Variants in PCDHA6 observed in about 807,000 individuals in gnomAD.
PCDHA6 encodes the protein protocadherin alpha 6, also known as protocadherin alpha-6.
A neutral mutation model predicts 60.3 loss-of-function variants in PCDHA6; 55 were observed. That is an observed-to-expected ratio of 0.91 (90% CI 0.73 to 1.14). The LOEUF (loss-of-function observed/expected upper bound fraction) is 1.14, where lower values mean the gene tolerates loss of function less well. Among genes scored for constraint, PCDHA6 ranks in the 50% most tolerant of loss-of-function variants. The pLI, the probability that PCDHA6 is intolerant of heterozygous loss-of-function variation, is 0.00. For missense variants in PCDHA6, 1,327 were observed against 1,256.5 expected (o/e 1.06, Z -0.85); for synonymous variants, 652 against 557.9 (o/e 1.17, Z -2.38).
chr5:140,926,209 T>A (rs553307318), intron 1 of PCDHA6, among the ~76,000 whole-genome samples: 1 of 152,028 alleles, frequency 6.6e-6, no homozygotes, highest in African/African-American at 2.4e-5. Context: ...GGGGGGCTCC[T>A]GTTTCCTTAA....
At chr5:140,910,028 T>C (rs1402911275) in intron 1 of PCDHA6, among the ~76,000 whole-genome samples, 4 of 152,222 alleles carry the variant, frequency 2.6e-5, no homozygotes, top group African/African-American at 9.6e-5. Flanking sequence ...ATCCCTGGGA[T>C]AAATCCCACT....
At chr5:140,948,098 AT>A (rs1400798416) in intron 1 of PCDHA6, among the ~76,000 whole-genome samples, 2 of 151,502 alleles carry the variant, frequency 1.3e-5, no homozygotes, top group African/African-American at 4.8e-5. Flanking sequence ...TGAGCATATG[AT>A]TTTTCTTCGT....
At chr5:140,853,708 A>G (rs535294888) in intron 1 of PCDHA6, 3 of 986,248 alleles carry the variant, frequency 3.0e-6, no homozygotes, top group South Asian at 9.5e-5. Flanking sequence ...ACGCATTAGC[A>G]TTAGCAGCAC....
chr5:140,887,537 C>T (rs530539711), intron 1 of PCDHA6, among the ~76,000 whole-genome samples: 5 of 152,250 alleles, frequency 3.3e-5, no homozygotes, highest in Admixed American at 1.3e-4. Context: ...TTCCTCTCCC[C>T]ACCCCTCATG....
At chr5:140,895,103 T>C (rs1459301220) in intron 1 of PCDHA6, among the ~76,000 whole-genome samples, 3 of 152,204 alleles carry the variant, frequency 2.0e-5, no homozygotes, top group Non-Finnish European at 4.4e-5. Flanking sequence ...GGGTTTTTGC[T>C]ACAAGAAGAC....
intron 1 of PCDHA6, chr5:140,884,580 C>G: frequency 6.2e-7 from 1 of 1,614,150 alleles, no homozygotes; most frequent in Non-Finnish European, 8.5e-7. Context: ...GACCTCATGG[C>G]CTTCAGTCCC....
Position 140,921,480 on chromosome 5 carries a change from A to G in PCDHA6, c.2395-57469A>G, listed in dbSNP as rs201609452. On this transcript the variant is annotated intron_variant, in intron 1 of 3. Coordinates refer to ENST00000529310, the MANE Select transcript of PCDHA6 (RefSeq NM_018909.4). ...CCTGCAACCACTACCAAACCACTCT[A>G]CCTGAGATTAGTTTATTAGATAGTG... 4.8e-4 allele frequency among the ~76,000 whole-genome samples: 73 copies of G among 152,306 alleles called. No homozygotes were observed. In the East Asian group the frequency reaches 0.011, roughly 22 times the overall value.
At chr5:140,969,037 C>A (rs1554231375) in intron 1 of PCDHA6, 6 of 1,614,158 alleles carry the variant, frequency 3.7e-6, no homozygotes, top group Non-Finnish European at 5.1e-6. Flanking sequence ...CAGAACTGTA[C>A]AAACAAGCCA....
At chr5:140,925,108 G>GAAGGAA (rs2082318586) in intron 1 of PCDHA6, among the ~76,000 whole-genome samples, 1 of 124,702 alleles carries the variant, frequency 8.0e-6, no homozygotes, top group African/African-American at 3.3e-5. Context: ...GAAGGAAGGA[G>GAAGGAA]GGAAGGAAGG....
At chr5:140,969,388 A>C in intron 1 of PCDHA6, 2 of 1,595,066 alleles carry the variant, frequency 1.3e-6, no homozygotes, top group Non-Finnish European at 1.7e-6. Context: ...CACATCCCCC[A>C]ATATCCTGTG....
rs782769711 is a variant in PCDHA6, at chr5:140,857,323, C to T, written c.2394+26838C>T. ...TGTCGGCCTATGAGCTGGTGGTGAC[C>T]GCGCGGGACGGGGGCTCGCCTCCGC... On this transcript the variant is annotated intron_variant, in intron 1 of 3. Coordinates refer to ENST00000529310, the MANE Select transcript of PCDHA6 (RefSeq NM_018909.4). The T allele has an allele frequency of 2.5e-6, 4 of 1,598,498 alleles. 1 individual carries two copies. Among genetic ancestry groups the T allele is most frequent in the Admixed American group, 1.7e-5 (1 of 59,312 alleles).
intron 1 of PCDHA6, among the ~76,000 whole-genome samples, chr5:140,948,862 C>T (rs1419321480): frequency 6.6e-6 from 1 of 151,398 alleles, no homozygotes; most frequent in Admixed American, 6.6e-5. Context: ...TCTTATATTA[C>T]TTCGGGTTTA....
intron 1 of PCDHA6, among the ~76,000 whole-genome samples, chr5:140,944,325 T>C (rs1179163685): frequency 1.3e-5 from 2 of 152,196 alleles, no homozygotes; most frequent in East Asian, 3.9e-4. Context: ...GTAGCTGGGA[T>C]TACAAGCACG....
At chr5:140,990,736 C>G (rs181451094) in intron 3 of PCDHA6, among the ~76,000 whole-genome samples, 22 of 152,218 alleles carry the variant, frequency 1.4e-4, no homozygotes, top group African/African-American at 5.3e-4. Flanking sequence ...TATCAACAGC[C>G]CTAGGGTGGA....
At chr5:140,984,371 C>T (rs2097099528) in intron 3 of PCDHA6, among the ~76,000 whole-genome samples, 1 of 152,150 alleles carries the variant, frequency 6.6e-6, no homozygotes, top group African/African-American at 2.4e-5. Flanking sequence ...TGGCCAAGTC[C>T]CTCTTTCAGA....
At chr5:140,835,585 T>G in intron 1 of PCDHA6, 1 of 1,613,922 alleles carries the variant, frequency 6.2e-7, no homozygotes, top group South Asian at 1.1e-5. Context: ...GTGTCCACCT[T>G]CAAGAATTAC....
At chr5:141,009,529 T>G in intron 3 of PCDHA6, 98 bp from the exon 4 acceptor site, 1 of 1,505,630 alleles carries the variant, frequency 6.6e-7, no homozygotes, top group Non-Finnish European at 8.9e-7. Context: ...TCTGGGGAGG[T>G]TCAGCCTGCC....
In PCDHA6 at chr5:140,842,738, C is replaced by T. The variant is rs1470514973; in HGVS notation, c.2394+12253C>T. The T allele has an allele frequency of 6.3e-7, 1 of 1,594,924 alleles. No homozygotes were observed. The highest frequency in any genetic ancestry group is 8.6e-7 in the Non-Finnish European group (1 of 1,165,426). ...GAAGGAGAACAACCCGCCGGGCTGCCACATCTTCACGGTGTCTGCGCGAGA... is the reference window on the plus strand; with the variant it reads ...GAAGGAGAACAACCCGCCGGGCTGCTACATCTTCACGGTGTCTGCGCGAGA... On this transcript the variant is annotated intron_variant, in intron 1 of 3. Coordinates refer to ENST00000529310, the MANE Select transcript of PCDHA6 (RefSeq NM_018909.4).
At chr5:141,004,142 G>C (rs1323224367) in intron 3 of PCDHA6, among the ~76,000 whole-genome samples, 1 of 152,214 alleles carries the variant, frequency 6.6e-6, no homozygotes, top group African/African-American at 2.4e-5. Flanking sequence ...TGCCCCAAAG[G>C]CATGACATTT....
Sources: allele counts gnomAD v4.1 joint callset (sites outside exome capture counted in the v4.1 genomes callset), GRCh38; gene constraint gnomAD v4.1.1; transcripts MANE v1.5; gene names NCBI Gene and HGNC (gene_info 2026-07-23, HGNC 2026-07-21).